The following SGK2 variants were observed in gnomAD, a reference collection of about 807,000 sequenced individuals.
SGK2 encodes the protein serum/glucocorticoid regulated kinase 2.
In SGK2, 36 loss-of-function variants were observed where a neutral mutation model predicts 47.5. That is an observed-to-expected ratio of 0.76 (90% confidence interval 0.58 to 1.00). The LOEUF (loss-of-function observed/expected upper bound fraction) is 1.00. Ranked by LOEUF, SGK2 falls within the 50% of genes least tolerant of loss-of-function variation. The probability of loss-of-function intolerance (pLI) is 0.00; values close to 1 mark genes in which losing one functional copy is unlikely to be tolerated. For synonymous variants in SGK2, 157 were observed against 181.9 expected, an observed-to-expected ratio of 0.86 and a Z score of 1.10; for missense variants, 404 against 467.4, an observed-to-expected ratio of 0.86 and a Z score of 1.25.
At chr20:43,560,019 C>T (rs6130415) in intron 1 of SGK2, among the ~76,000 whole-genome samples, 35 of 151,816 alleles carry the variant, frequency 2.3e-4, no homozygotes, top group Admixed American at 2.0e-3. Context: ...ATTAGAACAC[C>T]GTGGTGCGAG....
intron 12 of SGK2, among the ~76,000 whole-genome samples, chr20:43,580,620 C>T (rs575744422): frequency 5.5e-5 from 8 of 146,496 alleles, no homozygotes; most frequent in South Asian, 4.5e-4. Context: ...CCCTGCTACT[C>T]GGGAGGCTGA....
Position 43,572,286 on chromosome 20 carries a change from C to T in SGK2, c.597+149C>T, listed in dbSNP as rs1268393424. 6.4e-6 allele frequency: 4 copies of T among 629,792 alleles called. No homozygotes were observed. The Admixed American group carries it at 7.6e-5, about 12-fold the overall frequency. 39.0% of individuals were successfully genotyped at this position (629,792 alleles called of 1,614,324 possible). ...GCTATACACTGAACTGTGGTTTCCTCATCTATGTAATGGGGGTACCAGCTC... is the reference window on the plus strand; with the variant it reads ...GCTATACACTGAACTGTGGTTTCCTTATCTATGTAATGGGGGTACCAGCTC... On this transcript the variant is annotated intron_variant, in intron 9 of 12. Transcript: ENST00000373100. The surrounding 1 kb of genome is among the most constrained non-coding windows in gnomAD (Gnocchi z 4.2).
rs1568669139 is a variant in SGK2 at position 43,572,987 on chromosome 20, T to C, written c.597+850T>C. On this transcript the variant is annotated intron_variant, in intron 9 of 12. Transcript: ENST00000373100. The surrounding 1 kb of genome is among the most constrained non-coding windows in gnomAD (Gnocchi z 4.2). ...CCACGTGCAGCCAGTGGCTGCTATA[T>C]TGTACACTACTGATCTGCAGGGTGA... is the stretch of plus-strand genomic sequence containing the variant. Among the ~76,000 whole-genome samples the C allele has an allele frequency of 6.6e-6, 1 of 152,188 alleles. No individual in the cohort carries two copies. Among genetic ancestry groups the C allele is most frequent in the African/African-American group, 2.4e-5 (1 of 41,458 alleles).
At position 43,585,157 on chromosome 20, in the gene SGK2, T is replaced by A; in HGVS notation, c.*141T>A. 1.3e-6 allele frequency: 1 copy of A among 762,214 alleles called. No individual in the cohort carries two copies. Among genetic ancestry groups the A allele is most frequent in the East Asian group, 2.8e-5 (1 of 35,850 alleles). 47.2% of individuals were successfully genotyped at this position (762,214 alleles called of 1,614,324 possible). A position where few individuals can be genotyped will look rare whatever the true frequency, so the allele number is the denominator to read the frequency against. On this transcript the variant is annotated 3_prime_UTR_variant, in exon 13 of 13. Transcript: ENST00000373100. ...TTTCCAGCACATAAAAGAAAAATAATGTTTCGGAGTCCAGGACTGGCAGGA... is the reference window on the plus strand; with the variant it reads ...TTTCCAGCACATAAAAGAAAAATAAAGTTTCGGAGTCCAGGACTGGCAGGA...
At chr20:43,575,042 T>C (rs1980380852) in intron 10 of SGK2, 38 bp downstream of exon 10, 1 of 1,404,814 alleles carries the variant, frequency 7.1e-7, no homozygotes, top group African/African-American at 1.4e-5. Context: ...GCCATCTGGC[T>C]AGGGATGGGT....
intron 12 of SGK2, among the ~76,000 whole-genome samples, chr20:43,581,797 G>A (rs1227392785): frequency 1.3e-5 from 2 of 152,102 alleles, no homozygotes; most frequent in African/African-American, 4.8e-5. Context: ...CCAAAGTGCT[G>A]GGATTACAGG....
At chr20:43,583,676 A>G in intron 12 of SGK2, 1 of 925,896 alleles carries the variant, frequency 1.1e-6, no homozygotes, top group South Asian at 5.0e-5. Flanking sequence ...GGCTTAAAAC[A>G]ACAATCTTTT....
At chr20:43,574,371 G>T (rs772339757) in intron 9 of SGK2, among the ~76,000 whole-genome samples, 2 of 152,294 alleles carry the variant, frequency 1.3e-5, no homozygotes, top group South Asian at 4.2e-4. Flanking sequence ...TGACCCTAGG[G>T]TTTCCAGCAC....
At position 43,568,353 on chromosome 20, in the gene SGK2, A is replaced by G. The variant is rs573634946; in HGVS notation, c.228+354A>G. Among the ~76,000 whole-genome samples the G allele has an allele frequency of 7.9e-5, 12 of 152,342 alleles. No homozygotes were observed. The East Asian group carries it at 2.3e-3, about 29-fold the overall frequency. On this transcript the variant is annotated intron_variant, in intron 5 of 12. Coordinates refer to ENST00000373100, the MANE Select transcript of SGK2 (RefSeq NM_170693.3). Reference sequence around the variant, plus strand: ...AAGACCCTTCATGCCATCAGGCCATATGGCTGGAGTGCAGTAGTGCAATCA... The same window carrying G: ...AAGACCCTTCATGCCATCAGGCCATGTGGCTGGAGTGCAGTAGTGCAATCA...
At chr20:43,567,890 G>A in intron 4 of SGK2, 26 bp from the exon 5 acceptor site, 1 of 1,609,766 alleles carries the variant, frequency 6.2e-7, no homozygotes, top group East Asian at 2.2e-5. Context: ...TCACCTACAG[G>A]GCCTCAAATT....
intron 1 of SGK2, among the ~76,000 whole-genome samples, chr20:43,561,676 C>G (rs192603071): frequency 6.6e-6 from 1 of 151,742 alleles, no homozygotes; most frequent in Admixed American, 6.6e-5. Flanking sequence ...TGTGAGCCAC[C>G]GCGCCCAGCT....
In SGK2 at chr20:43,572,105, G is replaced by A. The variant is rs1980176622; in HGVS notation, c.565G>A (p.Asp189Asn). The change falls in exon 9 of 13, where the codon GAC becomes AAC. Residue 189 changes from aspartate to asparagine, a missense_variant. Asp to Asn is a conservative substitution (Grantham distance 23, BLOSUM62 1). Coordinates refer to ENST00000373100, the MANE Select transcript of SGK2 (RefSeq NM_170693.3). This position sits in a 1 kb window ranked among gnomAD's most constrained non-coding sequence, Gnocchi z 4.2. ...CTGCAAGGAAGGTGTAGAGCCTGAA[G>A]ACACCACATCCACATTCTGTGGTAC... The part of the protein sequence containing the change: ...GLCKEGVEPE[D>N]TTSTFCGTPE... The A allele has an allele frequency of 6.5e-7, 1 of 1,550,300 alleles. No individual in the cohort carries two copies. Among genetic ancestry groups the A allele is most frequent in the Non-Finnish European group, 8.7e-7 (1 of 1,146,144 alleles).
At chr20:43,574,368 A>G (rs1327242807) in intron 9 of SGK2, among the ~76,000 whole-genome samples, 1 of 152,220 alleles carries the variant, frequency 6.6e-6, no homozygotes, top group African/African-American at 2.4e-5. Context: ...GTCTGACCCT[A>G]GGGTTTCCAG....
chr20:43,564,241 G>A lies in SGK2; in HGVS notation c.-23-2232G>A, dbSNP rs1419277784. Among the ~76,000 whole-genome samples the A allele has an allele frequency of 2.0e-5, 3 of 152,246 alleles. No individual in the cohort carries two copies. The East Asian group carries it at 5.8e-4, about 29-fold the overall frequency. On this transcript the variant is annotated intron_variant, in intron 1 of 12. Coordinates refer to ENST00000373100, the MANE Select transcript of SGK2 (RefSeq NM_170693.3). ...CCAACCAGGCCTGCCCTGAGGACTGGGCCAGAGCCCTTGAGGGGCCCGCAG... is the reference window on the plus strand; with the variant it reads ...CCAACCAGGCCTGCCCTGAGGACTGAGCCAGAGCCCTTGAGGGGCCCGCAG...
At chr20:43,566,758 GT>G (rs1329748465) in intron 2 of SGK2, among the ~76,000 whole-genome samples, 1 of 152,074 alleles carries the variant, frequency 6.6e-6, no homozygotes, top group Non-Finnish European at 1.5e-5. Flanking sequence ...TCCCAACCTG[GT>G]TGCCTGTGAG....
At chr20:43,570,289 C>T (rs1184148250) in intron 6 of SGK2, among the ~76,000 whole-genome samples, 1 of 152,210 alleles carries the variant, frequency 6.6e-6, no homozygotes, top group African/African-American at 2.4e-5. Context: ...CATTCTGACC[C>T]CTCCTAGCTT....
At chr20:43,560,735 A>G (rs1362156928) in intron 1 of SGK2, among the ~76,000 whole-genome samples, 4 of 152,160 alleles carry the variant, frequency 2.6e-5, no homozygotes, top group African/African-American at 9.7e-5. Flanking sequence ...GGTTTTATAT[A>G]GTTTTTGGTT....
Position 43,574,973 on chromosome 20 carries a change from G to T in SGK2, c.662G>T (p.Gly221Val), listed in dbSNP as rs772212410. Reference sequence around the variant, plus strand: ...CGAGCAGTGGACTGGTGGTGCTTGGGGGCAGTCCTCTACGAGATGCTCCAT... The same window carrying T: ...CGAGCAGTGGACTGGTGGTGCTTGGTGGCAGTCCTCTACGAGATGCTCCAT... ...YDRAVDWWCL[G>V]AVLYEMLHGL... Residue 221 changes from glycine (G) to valine (V), a missense_variant, in exon 10 of 13, where the codon GGG becomes GTG. Transcript: ENST00000373100. The T allele has an allele frequency of 3.1e-6, 5 of 1,613,710 alleles. No homozygotes were observed. In the South Asian group the frequency reaches 4.4e-5, roughly 14 times the overall value.
At position 43,576,234 on chromosome 20, in the gene SGK2, A is replaced by G; in HGVS notation, c.704A>G (p.Tyr235Cys). The change falls in exon 11 of 13, where the codon TAC becomes TGC. Residue 235 changes from tyrosine to cysteine, a missense_variant. Physicochemically the swap from Tyr to Cys is radical, Grantham distance 194. Coordinates refer to ENST00000373100, the MANE Select transcript of SGK2 (RefSeq NM_170693.3). ...TCCCTCTCTCCCCAGCCGCCCTTCT[A>G]CAGCCAAGATGTATCCCAGATGTAT... ...YEMLHGLPPF[Y>C]SQDVSQMYEN... The G allele has an allele frequency of 6.2e-7, 1 of 1,613,972 alleles. No homozygotes were observed. The highest frequency in any genetic ancestry group is 8.5e-7 in the Non-Finnish European group (1 of 1,179,920).
Sources: allele counts gnomAD v4.1 joint callset (sites outside exome capture counted in the v4.1 genomes callset), GRCh38; gene constraint gnomAD v4.1.1; non-coding constraint Gnocchi (gnomAD v3.1); transcripts MANE v1.5; gene names NCBI Gene and HGNC (gene_info 2026-07-23, HGNC 2026-07-21).